The following LRFN5 variants were observed in gnomAD, a reference collection of about 807,000 sequenced individuals.
The protein encoded by LRFN5 is leucine-rich repeat and fibronectin type-III domain-containing protein 5.
Under a neutral mutation model 45.6 loss-of-function variants are expected in LRFN5, and 24 were observed. The observed-to-expected ratio is 0.53, with a 90% CI of 0.38 to 0.74. LRFN5 has a LOEUF of 0.74. LRFN5 is among the 30% of genes least tolerant of loss of function. The pLI is 0.00. For missense variants in LRFN5, 776 were observed against 861.5 expected (o/e 0.90, Z 1.24); for synonymous variants, 340 against 313.8 (o/e 1.08, Z -0.88).
chr14:41,714,631 T>A (rs1290621164), intron 1 of LRFN5, among the ~76,000 whole-genome samples: 1 of 152,146 alleles, frequency 6.6e-6, no homozygotes, highest in African/African-American at 2.4e-5. Flanking sequence ...ATCAGCTGGA[T>A]GTGGTGGCTC....
In LRFN5 at chr14:41,870,744, T is replaced by C. The variant is rs115261776; in HGVS notation, c.-20-15862T>C. ...GTTGTACATACAATACAAACTGCCTTTTTTTACTGACATTTAATATTGATT... is the reference window on the plus strand; with the variant it reads ...GTTGTACATACAATACAAACTGCCTCTTTTTACTGACATTTAATATTGATT... On this transcript the variant is annotated intron_variant, in intron 2 of 5. Transcript: ENST00000298119. Among the ~76,000 whole-genome samples the C allele has an allele frequency of 4.0e-3, 608 of 152,276 alleles. 7 individuals are homozygous for C. The highest frequency in any genetic ancestry group is 0.014 in the African/African-American group (591 of 41,570).
At chr14:41,825,685 A>G (rs1397439269) in intron 2 of LRFN5, among the ~76,000 whole-genome samples, 1 of 152,190 alleles carries the variant, frequency 6.6e-6, no homozygotes, top group Non-Finnish European at 1.5e-5. Context: ...TTTCCTGGGC[A>G]TGACAGTGGT....
At chr14:41,624,907 T>A (rs1196759601) in intron 1 of LRFN5, among the ~76,000 whole-genome samples, 1 of 152,082 alleles carries the variant, frequency 6.6e-6, no homozygotes, top group Non-Finnish European at 1.5e-5. Context: ...CTTCTTAATT[T>A]TTTTTTTTCT....
chr14:41,680,550 T>C (rs1881840181), intron 1 of LRFN5, among the ~76,000 whole-genome samples: 1 of 152,170 alleles, frequency 6.6e-6, no homozygotes, highest in Non-Finnish European at 1.5e-5. Flanking sequence ...AGCCACAGCA[T>C]TGCTGAGCTT....
chr14:41,663,424 T>C (rs529327211), intron 1 of LRFN5, among the ~76,000 whole-genome samples: 1 of 152,194 alleles, frequency 6.6e-6, no homozygotes, highest in South Asian at 2.1e-4. Flanking sequence ...TAAGACCTGA[T>C]AGGAGGTGAA....
At chr14:41,785,047 C>T (rs1304405962) in intron 2 of LRFN5, among the ~76,000 whole-genome samples, 1 of 152,086 alleles carries the variant, frequency 6.6e-6, no homozygotes, top group East Asian at 1.9e-4. Flanking sequence ...CTTCTGAAAT[C>T]TATTTCAAAT....
At chr14:41,807,916 C>T (rs1030926091) in intron 2 of LRFN5, among the ~76,000 whole-genome samples, 3 of 151,824 alleles carry the variant, frequency 2.0e-5, no homozygotes, top group Non-Finnish European at 2.9e-5. Flanking sequence ...ATAATTTTCA[C>T]GATGTTTATC....
At chr14:41,818,530 A>C (rs540093596) in intron 2 of LRFN5, among the ~76,000 whole-genome samples, 5 of 151,642 alleles carry the variant, frequency 3.3e-5, no homozygotes, top group African/African-American at 4.8e-5. Context: ...TACACATCCC[A>C]TTTACATTCC....
At chr14:41,863,827 T>A (rs1173521246) in intron 2 of LRFN5, among the ~76,000 whole-genome samples, 6 of 151,424 alleles carry the variant, frequency 4.0e-5, no homozygotes, top group South Asian at 2.1e-4. Flanking sequence ...ATGCCATCCC[T>A]CCCCTAGCCC....
intron 1 of LRFN5, among the ~76,000 whole-genome samples, chr14:41,622,390 C>T (rs1888167913): frequency 6.6e-6 from 1 of 151,954 alleles, no homozygotes; most frequent in Admixed American, 6.6e-5. Flanking sequence ...TATCATTTTT[C>T]ATTGAGAAGC....
At chr14:41,844,170 G>C (rs1233438161) in intron 2 of LRFN5, among the ~76,000 whole-genome samples, 1 of 152,208 alleles carries the variant, frequency 6.6e-6, no homozygotes, top group East Asian at 1.9e-4. Flanking sequence ...GGGTGCAGTG[G>C]CTCACGCCTG....
At chr14:41,896,966 C>A (rs1238685753) in intron 4 of LRFN5, among the ~76,000 whole-genome samples, 4 of 151,770 alleles carry the variant, frequency 2.6e-5, no homozygotes, top group Non-Finnish European at 5.9e-5. Context: ...GTGGCGCGCA[C>A]CTGTAATACC....
intron 2 of LRFN5, among the ~76,000 whole-genome samples, chr14:41,833,774 C>T (rs1474829105): frequency 6.6e-6 from 1 of 152,156 alleles, no homozygotes. Flanking sequence ...ATAACCATCT[C>T]CTAGTTTCTC....
chr14:41,885,627 A>C (rs2139148421), intron 2 of LRFN5, among the ~76,000 whole-genome samples: 1 of 152,264 alleles, frequency 6.6e-6, no homozygotes, highest in African/African-American at 2.4e-5. Flanking sequence ...ATTTTTAACC[A>C]ATAAAATATT....
At chr14:41,742,408 G>A in intron 1 of LRFN5, among the ~76,000 whole-genome samples, 1 of 149,556 alleles carries the variant, frequency 6.7e-6, no homozygotes, top group Non-Finnish European at 1.5e-5. Flanking sequence ...GGCTGGAACT[G>A]GAGGAATTTA....
chr14:41,615,575 T>C (rs1295177928), intron 1 of LRFN5, among the ~76,000 whole-genome samples: 1 of 152,168 alleles, frequency 6.6e-6, no homozygotes, highest in Non-Finnish European at 1.5e-5. Context: ...ATCCAAATTT[T>C]TGCTGAAGCA....
In LRFN5 at chr14:41,904,139, T is replaced by C; in HGVS notation, c.2143-19T>C. 2 of 1,587,712 alleles carry C rather than the reference T, an allele frequency of 1.3e-6. No homozygotes were observed. Among genetic ancestry groups the C allele is most frequent in the Non-Finnish European group, 1.7e-6 (2 of 1,164,996 alleles). On this transcript the variant is annotated intron_variant, in intron 5 of 5. Transcript: ENST00000298119. Reference sequence around the variant, plus strand: ...TTCCTTTCTTTCTTTTTTTCCTTTTTCTTTTTCTTTCATTTCAGAGGCTGG... The same window carrying C: ...TTCCTTTCTTTCTTTTTTTCCTTTTCCTTTTTCTTTCATTTCAGAGGCTGG...
At chr14:41,878,547 C>T (rs1480568356) in intron 2 of LRFN5, among the ~76,000 whole-genome samples, 1 of 152,078 alleles carries the variant, frequency 6.6e-6, no homozygotes, top group Non-Finnish European at 1.5e-5. Context: ...AATCATTTTT[C>T]AGTTTGTGTG....
chr14:41,701,607 T>G (rs551743847), intron 1 of LRFN5: 51 of 152,282 alleles, frequency 3.3e-4, no homozygotes, highest in African/African-American at 1.1e-3. Context: ...CCTACCTGCA[T>G]GAATATAGGT....
Sources: allele counts gnomAD v4.1 joint callset (sites outside exome capture counted in the v4.1 genomes callset), GRCh38; gene constraint gnomAD v4.1.1; transcripts MANE v1.5; gene names NCBI Gene and HGNC (gene_info 2026-07-23, HGNC 2026-07-21).